The following TMEM30A variants were observed in gnomAD, a reference collection of about 807,000 sequenced individuals.
The protein encoded by TMEM30A is cell division cycle 50 P4-ATPase accessory subunit A.
Under a neutral mutation model 38.2 loss-of-function variants are expected in TMEM30A, and 24 were observed. That is an observed-to-expected ratio of 0.63 (90% CI 0.46 to 0.88). The LOEUF (loss-of-function observed/expected upper bound fraction) is 0.88. Ranked by LOEUF, TMEM30A falls within the 40% of genes least tolerant of loss-of-function variation. TMEM30A has a pLI of 0.00. For synonymous variants in TMEM30A, 145 were observed against 161.6 expected, an observed-to-expected ratio of 0.90 and a Z score of 0.78; for missense variants, 370 against 458.6, an observed-to-expected ratio of 0.81 and a Z score of 1.77.
At chr6:75,273,225 G>A (rs1052681040) in intron 1 of TMEM30A, among the ~76,000 whole-genome samples, 7 of 152,188 alleles carry the variant, frequency 4.6e-5, no homozygotes, top group African/African-American at 9.7e-5. Context: ...CTAAGTAACC[G>A]AGTGTTAAAA....
chr6:75,260,883 C>T lies in TMEM30A; in HGVS notation c.482G>A (p.Arg161Gln), dbSNP rs1771954731. 5 of 1,601,742 alleles carry T rather than the reference C, an allele frequency of 3.1e-6. No homozygotes were observed. The highest frequency in any genetic ancestry group is 4.2e-6 in the Non-Finnish European group (5 of 1,177,246). ...LNPSKECEPYRRNEDKPIAPC... is the reference protein window; with the variant it reads ...LNPSKECEPYQRNEDKPIAPC... ...AGCAATTGGTTTGTCTTCATTTCTT[C>T]GATAAGGTTCACATTCCTTACTGGG... The change falls in exon 4 of 7, where the codon CGA (arginine) becomes CAA (glutamine). Residue 161 changes from arginine (R) to glutamine (Q), a missense_variant. Coordinates refer to ENST00000230461, the MANE Select transcript of TMEM30A (RefSeq NM_018247.4).
intron 6 of TMEM30A, among the ~76,000 whole-genome samples, chr6:75,258,359 T>C (rs1582273861): frequency 6.6e-6 from 1 of 152,164 alleles, no homozygotes; most frequent in Non-Finnish European, 1.5e-5. Context: ...ATCAAAATCA[T>C]GAACAATTAC....
In TMEM30A at chr6:75,254,588, ATTGTTTT is replaced by A. The variant is rs1193652850; in HGVS notation, c.*1507_*1513del. ...GCACATTTCTACTATTAACCATTAC[ATTGTTTT>A]TTGTTTTTTAAAAAAAGTATATATT... On this transcript the variant is annotated 3_prime_UTR_variant, in exon 7 of 7. Coordinates refer to ENST00000230461, the MANE Select transcript of TMEM30A (RefSeq NM_018247.4). 1 of 152,052 alleles carries A rather than the reference ATTGTTTT, an allele frequency of 6.6e-6. No individual in the cohort carries two copies. Among genetic ancestry groups the A allele is most frequent in the Non-Finnish European group, 1.5e-5 (1 of 67,952 alleles). 9.4% of individuals were successfully genotyped at this position (152,052 alleles called of 1,614,324 possible).
At chr6:75,280,037 A>C (rs1772331677) in intron 1 of TMEM30A, among the ~76,000 whole-genome samples, 1 of 152,220 alleles carries the variant, frequency 6.6e-6, no homozygotes, top group South Asian at 2.1e-4. Context: ...GACCTTAATG[A>C]AGACAAAAGG....
At position 75,254,016 on chromosome 6, in the gene TMEM30A, A is replaced by T. The variant is rs1218514520; in HGVS notation, c.*2086T>A. On this transcript the variant is annotated 3_prime_UTR_variant, in exon 7 of 7. Coordinates refer to ENST00000230461, the MANE Select transcript of TMEM30A (RefSeq NM_018247.4). The stretch of plus-strand genomic sequence containing the variant: ...AAAAAGAAATGTCTTCCCTCCCCCC[A>T]TGCTTCACAGAGACTATACGAATGT... 1 of 152,108 alleles carries T rather than the reference A, an allele frequency of 6.6e-6. No homozygotes were observed. Among genetic ancestry groups the T allele is most frequent in the Non-Finnish European group, 1.5e-5 (1 of 67,998 alleles). 9.4% of individuals were successfully genotyped at this position (152,108 alleles called of 1,614,324 possible).
At chr6:75,270,933 G>A (rs1436098070) in intron 1 of TMEM30A, among the ~76,000 whole-genome samples, 2 of 152,128 alleles carry the variant, frequency 1.3e-5, no homozygotes, top group East Asian at 1.9e-4. Context: ...TCTCCCAAAC[G>A]AAGAGAGGCA....
rs41269315 is a variant in TMEM30A at position 75,253,237 on chromosome 6, G to A, written c.*2865C>T. ...GACAGGAGAGGTAGCAGGCTGAACC[G>A]CATTCACTGACCCTATCTCTCAGCT... On this transcript the variant is annotated 3_prime_UTR_variant, in exon 7 of 7. Transcript: ENST00000230461. The A allele has an allele frequency of 0.045, 6,782 of 152,140 alleles. 234 individuals carry two copies. Among genetic ancestry groups the A allele is most frequent in the Non-Finnish European group, 0.06 (4,073 of 67,968 alleles). The allele number at this position is 152,140 out of a possible 1,614,324, so 9.4% of individuals were successfully genotyped here. A position where few individuals can be genotyped will look rare whatever the true frequency, so the allele number is the denominator to read the frequency against.
In TMEM30A at chr6:75,258,818, G is replaced by A. The variant is rs1375254715; in HGVS notation, c.854C>T (p.Thr285Ile). 1 of 1,613,928 alleles carries A rather than the reference G, an allele frequency of 6.2e-7. No homozygotes were observed. Among genetic ancestry groups the A allele is most frequent in the Admixed American group, 1.7e-5 (1 of 60,018 alleles). The part of the protein sequence containing the change: ...LIERKSDLHP[T>I]LPAGRYSLNV... ...CAAAGAGTATCGGCCAGCTGGTAAT[G>A]TTGGATGTAAATCACTTTTCCTTTC... Residue 285 changes from threonine to isoleucine, a missense_variant, in exon 6 of 7, where the codon ACA becomes ATA. Coordinates refer to ENST00000230461, the MANE Select transcript of TMEM30A (RefSeq NM_018247.4).
At position 75,254,968 on chromosome 6, in the gene TMEM30A, T is replaced by C. The variant is rs1452117032; in HGVS notation, c.*1134A>G. The C allele has an allele frequency of 1.3e-5, 2 of 152,452 alleles. No homozygotes were observed. The highest frequency in any genetic ancestry group is 2.4e-5 in the African/African-American group (1 of 41,416). 9.4% of individuals were successfully genotyped at this position (152,452 alleles called of 1,614,324 possible). On this transcript the variant is annotated 3_prime_UTR_variant, in exon 7 of 7. Transcript: ENST00000230461. ...GTACATACTCCAAAATCCCCATAATTTAATTAGGAAATTTATAGAACATCT... is the reference window on the plus strand; with the variant it reads ...GTACATACTCCAAAATCCCCATAATCTAATTAGGAAATTTATAGAACATCT...
At chr6:75,260,351 A>AGCCGACGTC (rs1197173201) in intron 4 of TMEM30A, among the ~76,000 whole-genome samples, 1 of 152,140 alleles carries the variant, frequency 6.6e-6, no homozygotes, top group Non-Finnish European at 1.5e-5. Flanking sequence ...GGTTGCAGTG[A>AGCCGACGTC]GCCGACGTCG....
At chr6:75,271,951 A>G (rs1772179770) in intron 1 of TMEM30A, among the ~76,000 whole-genome samples, 1 of 152,224 alleles carries the variant, frequency 6.6e-6, no homozygotes, top group Non-Finnish European at 1.5e-5. Flanking sequence ...ACAGAGCCAT[A>G]AAAGAAAGAT....
intron 1 of TMEM30A, among the ~76,000 whole-genome samples, chr6:75,273,483 T>TC (rs1772209760): frequency 7.2e-6 from 1 of 138,578 alleles, no homozygotes; most frequent in Non-Finnish European, 1.6e-5. Flanking sequence ...GATATTTTTA[T>TC]TAAAAAAAAA....
intron 1 of TMEM30A, among the ~76,000 whole-genome samples, chr6:75,274,279 T>C (rs1369713682): frequency 6.6e-6 from 1 of 152,144 alleles, no homozygotes; most frequent in East Asian, 1.9e-4. Context: ...AGGGGAGTGG[T>C]AGGAGATGTG....
Position 75,284,522 on chromosome 6 carries a change from T to C in TMEM30A, c.117A>G (p.Pro39=), listed in dbSNP as rs921037714. Residue 39 remains proline, a synonymous_variant, in exon 1 of 7, where the codon CCA becomes CCG. Transcript: ENST00000230461. ...CAGCCGTAAGGATGGGCTGCCAAGC[T>C]GGCAGCCGTTGCTGTTTGAAGGCCG... is the stretch of plus-strand genomic sequence containing the variant. ...DNTAFKQQRL[P]AWQPILTAGT... is the part of the protein sequence containing the mutation. 2 of 1,611,636 alleles carry C rather than the reference T, an allele frequency of 1.2e-6. No individual in the cohort carries two copies. The highest frequency in any genetic ancestry group is 1.7e-6 in the Non-Finnish European group (2 of 1,178,566).
chr6:75,266,680 C>T (rs1340439113), intron 2 of TMEM30A, among the ~76,000 whole-genome samples: 1 of 152,138 alleles, frequency 6.6e-6, no homozygotes, highest in African/African-American at 2.4e-5. Flanking sequence ...ACTAGTCTCT[C>T]GTTTCTTCAA....
chr6:75,269,956 G>A (rs1340380827), intron 1 of TMEM30A, among the ~76,000 whole-genome samples: 1 of 152,148 alleles, frequency 6.6e-6, no homozygotes. Flanking sequence ...GCCTCCCAAA[G>A]TGCTGGGATT....
chr6:75,257,748 A>C (rs1771888418), intron 6 of TMEM30A, among the ~76,000 whole-genome samples: 1 of 152,202 alleles, frequency 6.6e-6, no homozygotes, highest in Admixed American at 6.5e-5. Flanking sequence ...TTCAAAAAAA[A>C]CCTTATTTTG....
At position 75,253,623 on chromosome 6, in the gene TMEM30A, T is replaced by C. The variant is rs999396893; in HGVS notation, c.*2479A>G. On this transcript the variant is annotated 3_prime_UTR_variant, in exon 7 of 7. Transcript: ENST00000230461. ...CTGAACATAGCAAAATTAATTTTGT[T>C]CATTTTTATTAACATAGGACATACT... 23 of 152,590 alleles carry C rather than the reference T, an allele frequency of 1.5e-4. No individual in the cohort carries two copies. The highest frequency in any genetic ancestry group is 5.6e-4 in the African/African-American group (23 of 41,440). 9.5% of individuals were successfully genotyped at this position (152,590 alleles called of 1,614,324 possible). A position where few individuals can be genotyped will look rare whatever the true frequency, so the allele number is the denominator to read the frequency against.
rs939720541 is a variant in TMEM30A at position 75,284,727 on chromosome 6, T to TGCCGCC, written c.-95_-90dup. On this transcript the variant is annotated 5_prime_UTR_variant, in exon 1 of 7. Coordinates refer to ENST00000230461, the MANE Select transcript of TMEM30A (RefSeq NM_018247.4). ...CTGACAGGAACCGCTCGAGCGCCGC[T>TGCCGCC]GCCGCCGCCGCCGCCGCAGCCACCA... The TGCCGCC allele has an allele frequency of 3.2e-5, 44 of 1,354,922 alleles. No homozygotes were observed. The highest frequency in any genetic ancestry group is 1.8e-4 in the Admixed American group (10 of 57,060). The allele number at this position is 1,354,922 out of a possible 1,614,324, so 83.9% of individuals were successfully genotyped here.
Sources: gnomAD v4.1 joint callset for allele counts (sites outside exome capture counted in the v4.1 genomes callset) on GRCh38, gnomAD v4.1.1 for gene constraint, MANE v1.5 for transcripts, NCBI Gene and HGNC (gene_info 2026-07-23, HGNC 2026-07-21) for gene names.